GPM6B: variants seen among roughly 807,000 people sequenced by gnomAD.
GPM6B encodes neuronal membrane glycoprotein M6-b.
GPM6B carries 4 observed loss-of-function variants against 27.2 expected under a neutral mutation model. The observed-to-expected ratio is 0.15, with a 90% CI of 0.07 to 0.34. The LOEUF (loss-of-function observed/expected upper bound fraction) is 0.34, where lower values mean the gene tolerates loss of function less well. Ranked by LOEUF, GPM6B falls within the 10% of genes least tolerant of loss-of-function variation. The pLI is 1.00. For missense variants in GPM6B, 183 were observed against 261.9 expected, an observed-to-expected ratio of 0.70 and a Z score of 2.08; for synonymous variants, 124 against 103.1, an observed-to-expected ratio of 1.20 and a Z score of -1.23.
chrX:13,911,703 C>T (rs1262386414), intron 1 of GPM6B, among the ~76,000 whole-genome samples: 2 of 111,778 alleles, frequency 1.8e-5, no homozygotes, highest in Non-Finnish European at 3.8e-5. Context: ...CTGTCTCAAG[C>T]CCTCCTGAAA....
Position 13,779,819 on chromosome X carries a change from G to A in GPM6B, c.696C>T (p.Tyr232=), listed in dbSNP as rs145235829. The A allele has an allele frequency of 1.3e-3, 1,474 of 1,160,175 alleles. 7 individuals carry two copies. In the African/African-American group the frequency reaches 0.023, roughly 18 times the overall value. The change falls in exon 5 of 8, where the codon TAC becomes TAT. Residue 232 remains tyrosine (Y), a splice_region_variant and synonymous_variant. Coordinates refer to ENST00000316715, the MANE Select transcript of GPM6B (RefSeq NM_001001995.3). ...VEQICVDIRQ[Y]GIIPWNAFPG... is the part of the protein sequence containing the mutation. Reference sequence around the variant, plus strand: ...GAGGGGTGAATTAGAAGGAAGTACCGTATTGTCGGATATCCACACAGATCT... The same window carrying A: ...GAGGGGTGAATTAGAAGGAAGTACCATATTGTCGGATATCCACACAGATCT...
intron 2 of GPM6B, among the ~76,000 whole-genome samples, chrX:13,789,445 G>A (rs377551560): frequency 8.9e-6 from 1 of 112,101 alleles, no homozygotes; most frequent in East Asian, 2.8e-4. Context: ...GGGCTTTCCA[G>A]GCCACCTTAA....
At chrX:13,821,618 C>T (rs943688925), upstream of GPM6B, among the ~76,000 whole-genome samples, 3 of 111,289 alleles carry the variant, frequency 2.7e-5, no homozygotes, top group African/African-American at 9.8e-5. Flanking sequence ...TTTTTTGAGA[C>T]GGAGTTTTGC....
At chrX:13,773,890 A>AT (rs956841407) in intron 7 of GPM6B, 3 of 592,333 alleles carry the variant, frequency 5.1e-6, no homozygotes, top group Admixed American at 9.8e-5. Context: ...AAGGTTACCA[A>AT]TTTTGTGGGC....
At chrX:13,936,451 C>T (rs1159939093) in intron 1 of GPM6B, among the ~76,000 whole-genome samples, 1 of 111,832 alleles carries the variant, frequency 8.9e-6, no homozygotes, top group East Asian at 2.8e-4. Context: ...CTTAATGGGC[C>T]AATGGTCAGA....
At chrX:13,837,815 C>G (rs2049522967) in intron 1 of GPM6B, among the ~76,000 whole-genome samples, 1 of 100,719 alleles carries the variant, frequency 9.9e-6, no homozygotes, top group Non-Finnish European at 2.0e-5. Flanking sequence ...GCCTGATTGT[C>G]AATTTTGTTG....
intron 2 of GPM6B, among the ~76,000 whole-genome samples, chrX:13,790,093 A>G (rs1241453704): frequency 9.0e-6 from 1 of 111,701 alleles, no homozygotes; most frequent in East Asian, 2.8e-4. Context: ...GGCTCAAGTG[A>G]TCCTCCCGCC....
At chrX:13,799,658 G>A (rs1470344473) in intron 2 of GPM6B, among the ~76,000 whole-genome samples, 3 of 110,374 alleles carry the variant, frequency 2.7e-5, no homozygotes, top group East Asian at 5.7e-4. Context: ...CACTATGAAC[G>A]ACTGCTTTCT....
At chrX:13,803,039 G>A (rs1318318196) in intron 2 of GPM6B, among the ~76,000 whole-genome samples, 1 of 111,908 alleles carries the variant, frequency 8.9e-6, no homozygotes, top group Non-Finnish European at 1.9e-5. Flanking sequence ...AGAAGACCTC[G>A]AACTTAGTGG....
intron 1 of GPM6B, among the ~76,000 whole-genome samples, chrX:13,868,544 G>C (rs530419154): frequency 8.9e-6 from 1 of 112,188 alleles, no homozygotes; most frequent in Admixed American, 9.5e-5. Flanking sequence ...AGTCATCTTA[G>C]ATAAAATTGT....
chrX:13,777,524 G>A (rs1436468249), intron 5 of GPM6B, 99 bp from the exon 6 acceptor site: 4 of 539,921 alleles, frequency 7.4e-6, no homozygotes, highest in Non-Finnish European at 1.3e-5. Flanking sequence ...TGTAATTGTA[G>A]GCTATGTTCT....
chrX:13,785,783 A>G lies in GPM6B; in HGVS notation c.207T>C (p.Cys69=). 3 of 1,210,545 alleles carry G rather than the reference A, an allele frequency of 2.5e-6. No individual in the cohort carries two copies. The highest frequency in any genetic ancestry group is 3.4e-6 in the Non-Finnish European group (3 of 894,490). The part of the protein sequence containing the change: ...SPGCFECCIK[C]LGGVPYASLV... The stretch of plus-strand genomic sequence containing the variant: ...GGGAGGCGTAGGGGACTCCTCCCAG[A>G]CACTTGATGCAGCATTCAAAGCAGC... Residue 69 remains cysteine (C), a synonymous_variant, in exon 3 of 8, where the codon TGT becomes TGC. Coordinates refer to ENST00000316715, the MANE Select transcript of GPM6B (RefSeq NM_001001995.3).
chrX:13,792,545 A>T, intron 2 of GPM6B, among the ~76,000 whole-genome samples: 1 of 108,013 alleles, frequency 9.3e-6, no homozygotes, highest in East Asian at 2.8e-4. Context: ...AATACACAGG[A>T]CAGCCCCCAT....
intron 1 of GPM6B, among the ~76,000 whole-genome samples, chrX:13,851,883 T>G (rs1321523902): frequency 1.8e-5 from 2 of 110,944 alleles, no homozygotes; most frequent in Admixed American, 1.9e-4. Context: ...TAATGTGTCT[T>G]TGTAGAGTAA....
At chrX:13,802,428 T>C (rs1270600770) in intron 2 of GPM6B, among the ~76,000 whole-genome samples, 4 of 111,608 alleles carry the variant, frequency 3.6e-5, no homozygotes, top group East Asian at 5.6e-4. Context: ...CAGTAAGCCA[T>C]TGTTACATAA....
intron 2 of GPM6B, among the ~76,000 whole-genome samples, chrX:13,788,949 C>A (rs766099886): frequency 3.6e-5 from 4 of 111,573 alleles, no homozygotes; most frequent in Non-Finnish European, 7.5e-5. Context: ...GCTCTCTCAG[C>A]AGATGCCAAT....
chrX:13,777,574 A>G (rs1163506754), intron 5 of GPM6B, 149 bp from the exon 6 acceptor site: 5 of 455,218 alleles, frequency 1.1e-5, no homozygotes, highest in Non-Finnish European at 7.8e-6. Context: ...CAGAACAAGC[A>G]TTTTGGAATA....
intron 1 of GPM6B, among the ~76,000 whole-genome samples, chrX:13,857,211 T>C (rs931973816): frequency 1.8e-5 from 2 of 111,470 alleles, no homozygotes; most frequent in African/African-American, 6.5e-5. Context: ...AAGTCTCTTT[T>C]GCCACATAAG....
At chrX:13,915,545 T>C (rs926848250) in intron 1 of GPM6B, among the ~76,000 whole-genome samples, 1 of 112,290 alleles carries the variant, frequency 8.9e-6, no homozygotes, top group Non-Finnish European at 1.9e-5. Flanking sequence ...GAGCCAGAAT[T>C]CTTGGGCTTA....
Sources: gnomAD v4.1 joint callset for allele counts (sites outside exome capture counted in the v4.1 genomes callset) on GRCh38, gnomAD v4.1.1 for gene constraint, MANE v1.5 for transcripts, NCBI Gene and HGNC (gene_info 2026-07-23, HGNC 2026-07-21) for gene names.